Variants in FAM161A observed in about 807,000 individuals in gnomAD.
FAM161A encodes protein FAM161A.
In FAM161A, 57 loss-of-function variants were observed where a neutral mutation model predicts 70.9. The observed-to-expected ratio is 0.80, with a 90% CI of 0.65 to 1.00. The LOEUF is 1.00. FAM161A is among the 50% of genes least tolerant of loss of function. FAM161A has a pLI of 0.00. For synonymous variants in FAM161A, 299 were observed against 295.7 expected (o/e 1.01, Z -0.12); for missense variants, 880 against 836.0 (o/e 1.05, Z -0.65).
rs1449988104 is a variant in FAM161A at position 61,826,422 on chromosome 2, A to G, written c.*33T>C. 1.9e-6 allele frequency: 3 copies of G among 1,610,018 alleles called. No homozygotes were observed. Among genetic ancestry groups the G allele is most frequent in the Non-Finnish European group, 2.5e-6 (3 of 1,177,472 alleles). On this transcript the variant is annotated 3_prime_UTR_variant, in exon 7 of 7. Transcript: ENST00000404929. ...TGCTGACACCCTGACGCTGCAAACAACAGCAAGGGCATAGAGAGGAGACCT... is the reference window on the plus strand; with the variant it reads ...TGCTGACACCCTGACGCTGCAAACAGCAGCAAGGGCATAGAGAGGAGACCT...
rs970081194 is a variant in FAM161A, at chr2:61,842,200, T to C, written c.344A>G (p.Lys115Arg). The change falls in exon 2 of 7, where the codon AAA becomes AGA. Residue 115 changes from lysine to arginine, a missense_variant. Lys to Arg is a conservative substitution (Grantham distance 26). Coordinates refer to ENST00000404929, the MANE Select transcript of FAM161A (RefSeq NM_001201543.2). ...AHIETMAKLE[K>R]MYQDKLHLKE... ...TAAATGTAATTTATCCTGGTACATT[T>C]TCTCTAATTTTGCCATAGTTTCTAT... 4 of 1,614,010 alleles carry C rather than the reference T, an allele frequency of 2.5e-6. No homozygotes were observed. Among genetic ancestry groups the C allele is most frequent in the Admixed American group, 3.3e-5 (2 of 60,020 alleles).
chr2:61,839,803 T>C lies in FAM161A; in HGVS notation c.1201A>G (p.Arg401Gly), dbSNP rs1186519247. 6.2e-7 allele frequency: 1 copy of C among 1,614,186 alleles called. No homozygotes were observed. The highest frequency in any genetic ancestry group is 1.1e-5 in the South Asian group (1 of 91,086). Residue 401 changes from arginine to glycine, a missense_variant, in exon 3 of 7, where the codon AGG becomes GGG. Coordinates refer to ENST00000404929, the MANE Select transcript of FAM161A (RefSeq NM_001201543.2). ...HLQNSSPLPC[R>G]SACGCRNPRC... is the part of the protein sequence containing the mutation. The stretch of plus-strand genomic sequence containing the variant: ...GGGTTCCTGCATCCACAAGCTGACC[T>C]ACAAGGCAGAGGAGATGAGTTCTGT...
chr2:61,809,801 C>T, the FAM161A span, among the ~76,000 whole-genome samples: 1 of 152,168 alleles, frequency 6.6e-6, no homozygotes, highest in Non-Finnish European at 1.5e-5. Context: ...GCACTGTGGA[C>T]CTCATGAAGC....
In FAM161A at chr2:61,853,855, T is replaced by C. The variant is rs1045912545; in HGVS notation, c.183+4A>G. On this transcript the variant is annotated splice_donor_region_variant and intron_variant, in intron 1 of 6. Coordinates refer to ENST00000404929, the MANE Select transcript of FAM161A (RefSeq NM_001201543.2). ...TCCCAGCCCAAGTCCCGCCCCAGTATTACCGATGCCCCAGCGGGCTGAGCC... is the reference window on the plus strand; with the variant it reads ...TCCCAGCCCAAGTCCCGCCCCAGTACTACCGATGCCCCAGCGGGCTGAGCC... The C allele has an allele frequency of 1.2e-6, 2 of 1,613,696 alleles. No homozygotes were observed.
chr2:61,838,580 T>C lies in FAM161A; in HGVS notation c.1709A>G (p.Gln570Arg). 1 of 1,611,958 alleles carries C rather than the reference T, an allele frequency of 6.2e-7. No homozygotes were observed. Among genetic ancestry groups the C allele is most frequent in the Middle Eastern group, 1.7e-4 (1 of 6,056 alleles). ...TTRAKAYDSHQSLAQISKSRV... is the reference protein window; with the variant it reads ...TTRAKAYDSHRSLAQISKSRV... ...GGATTTAGATATTTGAGCTAAACTT[T>C]GATGTGAGTCATAAGCCTTAGCCCG... The change falls in exon 4 of 7, where the codon CAA becomes CGA. Residue 570 changes from glutamine to arginine, a missense_variant. Coordinates refer to ENST00000404929, the MANE Select transcript of FAM161A (RefSeq NM_001201543.2).
the FAM161A span, among the ~76,000 whole-genome samples, chr2:61,801,858 G>T: frequency 6.6e-6 from 1 of 152,056 alleles, no homozygotes; most frequent in Non-Finnish European, 1.5e-5. Context: ...ACCGTGCCCG[G>T]CTTGAATAAT....
chr2:61,839,819 T>A lies in FAM161A; in HGVS notation c.1185A>T (p.Ser395=), dbSNP rs1672936601. The change falls in exon 3 of 7, where the codon TCA becomes TCT. Residue 395 remains serine, a synonymous_variant. Transcript: ENST00000404929. Reference sequence around the variant, plus strand: ...AAGCTGACCTACAAGGCAGAGGAGATGAGTTCTGTAAATGCTCCTGGGCTC... The same window carrying A: ...AAGCTGACCTACAAGGCAGAGGAGAAGAGTTCTGTAAATGCTCCTGGGCTC... ...QLRAQEHLQN[S]SPLPCRSACG... 1 of 1,610,942 alleles carries A rather than the reference T, an allele frequency of 6.2e-7. No individual in the cohort carries two copies. The highest frequency in any genetic ancestry group is 8.5e-7 in the Non-Finnish European group (1 of 1,177,100).
At chr2:61,824,600 A>ATT (rs998806514), downstream of FAM161A, among the ~76,000 whole-genome samples, 1 of 149,050 alleles carries the variant, frequency 6.7e-6, no homozygotes, top group Admixed American at 6.7e-5. Flanking sequence ...TAATATTCCC[A>ATT]TTTTTTTTTT....
downstream of FAM161A, chr2:61,820,350 C>T: frequency 1.3e-6 from 1 of 751,696 alleles, no homozygotes; most frequent in Middle Eastern, 3.6e-4. Context: ...ATCCCAACAC[C>T]AAGTGCTCCA....
chr2:61,824,239 C>T (rs528645066), downstream of FAM161A, among the ~76,000 whole-genome samples: 9 of 147,844 alleles, frequency 6.1e-5, no homozygotes, highest in East Asian at 2.0e-4. Flanking sequence ...GGGGTTTCAC[C>T]GTGTTAGCCA....
the FAM161A span, among the ~76,000 whole-genome samples, chr2:61,815,373 T>C: frequency 1.3e-5 from 2 of 152,052 alleles, no homozygotes; most frequent in African/African-American, 4.8e-5. Context: ...AACCTGTTCG[T>C]TGAATCCGCC....
chr2:61,813,735 AG>A, the FAM161A span, among the ~76,000 whole-genome samples: 4 of 132,694 alleles, frequency 3.0e-5, no homozygotes, highest in Admixed American at 7.2e-5. Flanking sequence ...AAAAAAAAAA[AG>A]AAAAAAGAAA....
At chr2:61,841,877 C>T (rs1673031078) in intron 2 of FAM161A, among the ~76,000 whole-genome samples, 1 of 152,176 alleles carries the variant, frequency 6.6e-6, no homozygotes, top group Non-Finnish European at 1.5e-5. Flanking sequence ...TATTTTGATA[C>T]ATGCCCTCAG....
chr2:61,808,711 G>C, the FAM161A span, among the ~76,000 whole-genome samples: 1 of 152,172 alleles, frequency 6.6e-6, no homozygotes, highest in African/African-American at 2.4e-5. Context: ...GGAAGGCTTG[G>C]AGGAGAAAAG....
At chr2:61,802,777 G>A in the FAM161A span, among the ~76,000 whole-genome samples, 8 of 152,122 alleles carry the variant, frequency 5.3e-5, no homozygotes, top group South Asian at 4.1e-4. Context: ...TAGTTGCTAC[G>A]GGTACAGTAA....
In FAM161A at chr2:61,825,326, T is replaced by C. The variant is rs76144251; in HGVS notation, c.*1129A>G. 1 of 454,190 alleles carries C rather than the reference T, an allele frequency of 2.2e-6. No homozygotes were observed. Among genetic ancestry groups the C allele is most frequent in the Non-Finnish European group, 4.4e-6 (1 of 226,782 alleles). The allele number at this position is 454,190 out of a possible 1,614,324, so 28.1% of individuals were successfully genotyped here. A position where few individuals can be genotyped will look rare whatever the true frequency, so the allele number is the denominator to read the frequency against. On this transcript the variant is annotated 3_prime_UTR_variant, in exon 7 of 7. Coordinates refer to ENST00000404929, the MANE Select transcript of FAM161A (RefSeq NM_001201543.2). The stretch of plus-strand genomic sequence containing the variant: ...AGTTGAACACAACTGGGTCTAGCAG[T>C]GAAGAGTTAAATCTGAATTACTTTG...
chr2:61,821,750 T>C (rs1291254420), downstream of FAM161A, among the ~76,000 whole-genome samples: 1 of 151,658 alleles, frequency 6.6e-6, no homozygotes, highest in Non-Finnish European at 1.5e-5. Context: ...GTCAGAATAT[T>C]GGATTTTATT....
At chr2:61,826,761 G>A (rs1375067455) in intron 6 of FAM161A, among the ~76,000 whole-genome samples, 162 bp from the exon 7 acceptor site, 3 of 152,036 alleles carry the variant, frequency 2.0e-5, no homozygotes, top group African/African-American at 7.2e-5. Context: ...CGCTATAAAA[G>A]TGCCCATTGA....
At chr2:61,832,707 T>A (rs1013198094) in intron 5 of FAM161A, among the ~76,000 whole-genome samples, 3 of 152,192 alleles carry the variant, frequency 2.0e-5, no homozygotes, top group African/African-American at 7.2e-5. Flanking sequence ...GTGACCCCTA[T>A]CGTGAAGTGC....
Sources: allele counts gnomAD v4.1 joint callset (sites outside exome capture counted in the v4.1 genomes callset), GRCh38; gene constraint gnomAD v4.1.1; transcripts MANE v1.5; gene names NCBI Gene and HGNC (gene_info 2026-07-23, HGNC 2026-07-21).